ZBTB24: variants seen among roughly 807,000 people sequenced by gnomAD.
The protein encoded by ZBTB24 is zinc finger and BTB domain containing 24.
ZBTB24 carries 32 observed loss-of-function variants against 53.8 expected under a neutral mutation model. The ratio of observed to expected loss-of-function variants is 0.60; its 90% CI spans 0.45 to 0.80. The LOEUF (loss-of-function observed/expected upper bound fraction) is 0.80, where lower values mean the gene tolerates loss of function less well. Ranked by LOEUF, ZBTB24 falls within the 30% of genes least tolerant of loss-of-function variation. The pLI, the probability that ZBTB24 is intolerant of heterozygous loss-of-function variation, is 0.00. For missense variants in ZBTB24, 722 were observed against 837.1 expected (o/e 0.86, Z 1.70); for synonymous variants, 297 against 306.7 (o/e 0.97, Z 0.33).
chr6:109,469,667 G>T (rs546177014), intron 5 of ZBTB24, among the ~76,000 whole-genome samples: 21 of 152,178 alleles, frequency 1.4e-4, no homozygotes, highest in Non-Finnish European at 2.8e-4. Flanking sequence ...AAACAAAAAA[G>T]AAACTTTTCT....
chr6:109,475,798 G>A (rs1021973536), intron 4 of ZBTB24, among the ~76,000 whole-genome samples: 1 of 152,128 alleles, frequency 6.6e-6, no homozygotes, highest in Non-Finnish European at 1.5e-5. Flanking sequence ...CAGTTGGCAG[G>A]AAAGAAAAAG....
chr6:109,477,011 A>G (rs1013916767), intron 2 of ZBTB24, 81 bp from the exon 3 acceptor site: 13 of 1,543,860 alleles, frequency 8.4e-6, no homozygotes, highest in African/African-American at 1.4e-5. Flanking sequence ...AAAACAATAA[A>G]GGATTTTTCT....
Position 109,481,169 on chromosome 6 carries a change from T to A in ZBTB24, c.858A>T (p.Arg286Ser). Residue 286 changes from arginine (R) to serine (S), a missense_variant, in exon 2 of 7, where the codon AGA becomes AGT. Transcript: ENST00000230122. ...GGGCCTCAGGGCCTCCAGGGCGCTT[T>A]CTCCTTCCACAGATCCTCTTGGCTG... Reference protein sequence around the residue: ...HGSAKRICGRRKRPGGPEARC... With the variant: ...HGSAKRICGRSKRPGGPEARC... 1.2e-6 allele frequency: 2 copies of A among 1,614,218 alleles called. No individual in the cohort carries two copies. Among genetic ancestry groups the A allele is most frequent in the Non-Finnish European group, 1.7e-6 (2 of 1,180,030 alleles).
At chr6:109,474,260 G>A (rs556045822) in intron 5 of ZBTB24, among the ~76,000 whole-genome samples, 2 of 152,032 alleles carry the variant, frequency 1.3e-5, no homozygotes, top group East Asian at 1.9e-4. Context: ...CCAATTTTCC[G>A]ATCTTACATA....
In ZBTB24 at chr6:109,481,794, A is replaced by G. The variant is rs768303189; in HGVS notation, c.233T>C (p.Met78Thr). Residue 78 changes from methionine (M) to threonine (T), a missense_variant, in exon 2 of 7, where the codon ATG becomes ACG. Met to Thr is a moderately conservative substitution (Grantham distance 81). Coordinates refer to ENST00000230122, the MANE Select transcript of ZBTB24 (RefSeq NM_014797.3). ...EEGEIGQSIYMLEGMVADTFG... is the reference protein window; with the variant it reads ...EEGEIGQSIYTLEGMVADTFG... ...GGTGTCTGCAACCATGCCTTCCAGCATATAAATGGATTGGCCGATTTCCCC... is the reference window on the plus strand; with the variant it reads ...GGTGTCTGCAACCATGCCTTCCAGCGTATAAATGGATTGGCCGATTTCCCC... 3 of 1,614,278 alleles carry G rather than the reference A, an allele frequency of 1.9e-6. No homozygotes were observed. The highest frequency in any genetic ancestry group is 2.5e-6 in the Non-Finnish European group (3 of 1,180,044).
Position 109,466,522 on chromosome 6 carries a change from T to C in ZBTB24, c.1423A>G (p.Ser475Gly), listed in dbSNP as rs1157490989. 2 of 1,613,850 alleles carry C rather than the reference T, an allele frequency of 1.2e-6. No individual in the cohort carries two copies. The highest frequency in any genetic ancestry group is 1.7e-6 in the Non-Finnish European group (2 of 1,180,030). The stretch of plus-strand genomic sequence containing the variant: ...AGAATGCAGTGTCTCCTTTTGGCAC[T>C]GGAGTCAGAGAAGGATTTGCCACAA... ...GICGKSFSDS[S>G]AKRRHCILHT... The change falls in exon 7 of 7, where the codon AGT becomes GGT. Residue 475 changes from serine (S) to glycine (G), a missense_variant. Coordinates refer to ENST00000230122, the MANE Select transcript of ZBTB24 (RefSeq NM_014797.3).
rs960363612 is a variant in ZBTB24 at position 109,466,655 on chromosome 6, G to C, written c.1371-81C>G. 4 of 1,560,494 alleles carry C rather than the reference G, an allele frequency of 2.6e-6. No homozygotes were observed. In the African/African-American group the frequency reaches 5.4e-5, roughly 21 times the overall value. ...TGATTATTTAGGGGGAAGCAATCAA[G>C]AGTAGTGGAAAATTAACTAGACTGC... On this transcript the variant is annotated intron_variant, in intron 6 of 6. Coordinates refer to ENST00000230122, the MANE Select transcript of ZBTB24 (RefSeq NM_014797.3).
chr6:109,471,154 T>G (rs1477589923), intron 5 of ZBTB24, among the ~76,000 whole-genome samples: 1 of 152,258 alleles, frequency 6.6e-6, no homozygotes, highest in Non-Finnish European at 1.5e-5. Context: ...CATTTCCTCA[T>G]GTACTTGCCA....
In ZBTB24 at chr6:109,476,215, G is replaced by T; in HGVS notation, c.1164C>A (p.Ser388Arg). The T allele has an allele frequency of 6.2e-7, 1 of 1,614,046 alleles. No individual in the cohort carries two copies. The highest frequency in any genetic ancestry group is 8.5e-7 in the Non-Finnish European group (1 of 1,180,018). ...AATGGCTCTTTAGCTGTCTGTTCTG[G>T]CTGAAATATTTTCCGCATTGATCAC... ...FTCDQCGKYF[S>R]QNRQLKSHYR... Residue 388 changes from serine to arginine, a missense_variant, in exon 4 of 7, where the codon AGC becomes AGA. Ser to Arg is a moderately radical substitution (Grantham distance 110). Transcript: ENST00000230122.
At chr6:109,479,474 T>C (rs1447315725) in intron 2 of ZBTB24, among the ~76,000 whole-genome samples, 1 of 152,240 alleles carries the variant, frequency 6.6e-6, no homozygotes, top group East Asian at 1.9e-4. Context: ...GTTGAACATG[T>C]ACTGCTTTCA....
intron 4 of ZBTB24, among the ~76,000 whole-genome samples, 186 bp downstream of exon 4, chr6:109,475,989 A>G (rs543357332): frequency 6.6e-6 from 1 of 152,358 alleles, no homozygotes; most frequent in East Asian, 1.9e-4. Context: ...TACAAATAAA[A>G]CATAATTCAC....
At chr6:109,468,317 G>A (rs934584444) in intron 5 of ZBTB24, among the ~76,000 whole-genome samples, 4 of 151,834 alleles carry the variant, frequency 2.6e-5, no homozygotes, top group African/African-American at 9.7e-5. Flanking sequence ...ATGCAGTCAG[G>A]TCATTTTATG....
rs141429160 is a variant in ZBTB24 at position 109,481,096 on chromosome 6, T to C, written c.931A>G (p.Ile311Val). The C allele has an allele frequency of 1.2e-5, 19 of 1,614,038 alleles. No individual in the cohort carries two copies. The highest frequency in any genetic ancestry group is 2.2e-5 in the East Asian group (1 of 44,898). Reference protein sequence around the residue: ...KVFKYNHFLAIHQRSHTGERP... With the variant: ...KVFKYNHFLAVHQRSHTGERP... ...TTACCTGTGTGGCTCCTCTGGTGGA[T>C]TGCTAAAAAGTGATTGTACTTAAAG... Residue 311 changes from isoleucine to valine, a missense_variant, in exon 2 of 7, where the codon ATC becomes GTC. By Grantham distance (29) the Ile-to-Val change is conservative. Coordinates refer to ENST00000230122, the MANE Select transcript of ZBTB24 (RefSeq NM_014797.3).
At chr6:109,470,050 G>A (rs949630633) in intron 5 of ZBTB24, among the ~76,000 whole-genome samples, 2 of 152,208 alleles carry the variant, frequency 1.3e-5, no homozygotes, top group Non-Finnish European at 2.9e-5. Flanking sequence ...TGGGCTAGAG[G>A]CAGGAGGACC....
At chr6:109,467,844 A>G (rs1207995026) in intron 5 of ZBTB24, 110 bp from the exon 6 acceptor site, 3 of 1,249,910 alleles carry the variant, frequency 2.4e-6, no homozygotes, top group Non-Finnish European at 3.3e-6. Context: ...CAATATAAAC[A>G]GAACAAAGGC....
At chr6:109,482,544 G>C (rs1204752127) in intron 1 of ZBTB24, among the ~76,000 whole-genome samples, 1 of 151,076 alleles carries the variant, frequency 6.6e-6, no homozygotes, top group Admixed American at 6.6e-5. Context: ...CCAGGCTGGA[G>C]TGCAGTGGCG....
Position 109,475,458 on chromosome 6 carries a change from T to G in ZBTB24, c.1229A>C (p.Asp410Ala). 1.2e-6 allele frequency: 2 copies of G among 1,614,194 alleles called. No individual in the cohort carries two copies. Among genetic ancestry groups the G allele is most frequent in the Non-Finnish European group, 1.7e-6 (2 of 1,180,040 alleles). The change falls in exon 5 of 7, where the codon GAC (aspartate) becomes GCC (alanine). Residue 410 changes from aspartate to alanine, a missense_variant. Coordinates refer to ENST00000230122, the MANE Select transcript of ZBTB24 (RefSeq NM_014797.3). The stretch of plus-strand genomic sequence containing the variant: ...CACATCCATGAATTTGCGATGGCAG[T>G]CTTTGCATTCCGGTAATGAGTGGCC... ...HTGHSLPECK[D>A]CHRKFMDVSQ... is the part of the protein sequence containing the mutation.
In ZBTB24 at chr6:109,466,564, G is replaced by T; in HGVS notation, c.1381C>A (p.Pro461Thr). Residue 461 changes from proline to threonine, a missense_variant, in exon 7 of 7, where the codon CCA becomes ACA. Physicochemically the swap from Pro to Thr is conservative, Grantham distance 38 (BLOSUM62 -1). Coordinates refer to ENST00000230122, the MANE Select transcript of ZBTB24 (RefSeq NM_014797.3). ...TTGCCACAAATGCCACAGGAGTATGGCTTTTCTCCTCTGTAAGAAAATAAA... is the reference window on the plus strand; with the variant it reads ...TTGCCACAAATGCCACAGGAGTATGTCTTTTCTCCTCTGTAAGAAAATAAA... ...THIRIHRGEKPYSCGICGKSF... is the reference protein window; with the variant it reads ...THIRIHRGEKTYSCGICGKSF... The T allele has an allele frequency of 1.2e-6, 2 of 1,611,730 alleles. No homozygotes were observed. Among genetic ancestry groups the T allele is most frequent in the Non-Finnish European group, 1.7e-6 (2 of 1,180,022 alleles).
chr6:109,482,926 A>G (rs535465846), intron 1 of ZBTB24, among the ~76,000 whole-genome samples, 172 bp downstream of exon 1: 174 of 152,238 alleles, frequency 1.1e-3, no homozygotes, highest in South Asian at 4.1e-3. Context: ...GGCGGCGCGG[A>G]GCCCCCCGCA....
Sources: allele counts gnomAD v4.1 joint callset (sites outside exome capture counted in the v4.1 genomes callset), GRCh38; gene constraint gnomAD v4.1.1; transcripts MANE v1.5; gene names NCBI Gene and HGNC (gene_info 2026-07-23, HGNC 2026-07-21).